DHX36: variants seen among roughly 807,000 people sequenced by gnomAD.
DHX36 encodes the protein DEAH-box helicase 36.
DHX36 carries 50 observed loss-of-function variants against 139.0 expected under a neutral mutation model. That is an observed-to-expected ratio of 0.36 (90% CI 0.29 to 0.46). The LOEUF is 0.46. Ranked by LOEUF, DHX36 falls within the 20% of genes least tolerant of loss-of-function variation. DHX36 has a pLI of 1.00. For synonymous variants in DHX36, 425 were observed against 401.9 expected (o/e 1.06, Z -0.69); for missense variants, 1,024 against 1,211.3 (o/e 0.85, Z 2.29).
chr3:154,280,375 C>T, intron 22 of DHX36: 1 of 508,326 alleles, frequency 2.0e-6, no homozygotes, highest in East Asian at 3.2e-5. Context: ...AATGGGTTAT[C>T]AAAGAGGTGA....
chr3:154,312,890 TATATATATATAAA>T (rs1712825836), intron 3 of DHX36, among the ~76,000 whole-genome samples: 1 of 77,536 alleles, frequency 1.3e-5, no homozygotes, highest in Non-Finnish European at 2.6e-5. Context: ...TATATATATA[TATATATATATAAA>T]ATAAATAAAG....
intron 12 of DHX36, 153 bp downstream of exon 12, chr3:154,299,685 G>T (rs1372185823): frequency 7.4e-6 from 5 of 674,764 alleles, no homozygotes; most frequent in Non-Finnish European, 1.3e-5. Context: ...GAAAAAGAAA[G>T]AAAATATTCT....
chr3:154,280,813 C>G lies in DHX36; in HGVS notation c.2426G>C (p.Gly809Ala), dbSNP rs1164939005. 1 of 1,613,506 alleles carries G rather than the reference C, an allele frequency of 6.2e-7. No individual in the cohort carries two copies. Among genetic ancestry groups the G allele is most frequent in the African/African-American group, 1.3e-5 (1 of 74,900 alleles). ...TTTAGGATTTCTACTGCTTACAAATCCAGCTCCAAGAAGATGCTCAGCAAA... is the reference window on the plus strand; with the variant it reads ...TTTAGGATTTCTACTGCTTACAAATGCAGCTCCAAGAAGATGCTCAGCAAA... ...GQFAEHLLGA[G>A]FVSSRNPKDP... The change falls in exon 21 of 25, where the codon GGA (glycine) becomes GCA (alanine). Residue 809 changes from glycine to alanine, a missense_variant. Physicochemically the swap from Gly to Ala is moderately conservative, Grantham distance 60 (BLOSUM62 0). This residue lies in a region of DHX36 where 470 missense variants were observed against 616.2 expected (regional missense o/e 0.76). Coordinates refer to ENST00000496811, the MANE Select transcript of DHX36 (RefSeq NM_020865.3).
chr3:154,322,329 G>A (rs1713223594), intron 1 of DHX36, among the ~76,000 whole-genome samples: 1 of 152,138 alleles, frequency 6.6e-6, no homozygotes, highest in African/African-American at 2.4e-5. Flanking sequence ...TTGTGAATTA[G>A]GTAATAAAAT....
intron 4 of DHX36, among the ~76,000 whole-genome samples, chr3:154,310,265 A>G (rs1411056696): frequency 3.3e-5 from 5 of 152,164 alleles, no homozygotes; most frequent in Non-Finnish European, 5.9e-5. Context: ...TTGTATTTTA[A>G]AATTACTTCC....
intron 9 of DHX36, 141 bp from the exon 10 acceptor site, chr3:154,301,268 A>G (rs1297608478): frequency 3.7e-6 from 3 of 802,232 alleles, no homozygotes; most frequent in Admixed American, 3.5e-5. Context: ...TGCTAGCTAA[A>G]ATATCAGTTT....
At chr3:154,300,557 A>C in intron 11 of DHX36, 37 bp downstream of exon 11, 1 of 1,519,612 alleles carries the variant, frequency 6.6e-7, no homozygotes, top group Non-Finnish European at 9.1e-7. Flanking sequence ...AATAAAATTA[A>C]AATTATGTTA....
chr3:154,324,286 C>A lies in DHX36; in HGVS notation c.131G>T (p.Gly44Val), dbSNP rs576957075. 2 of 1,613,016 alleles carry A rather than the reference C, an allele frequency of 1.2e-6. No individual in the cohort carries two copies. The highest frequency in any genetic ancestry group is 8.5e-7 in the Non-Finnish European group (1 of 1,179,522). Residue 44 changes from glycine (G) to valine (V), a missense_variant, in exon 1 of 25, where the codon GGG becomes GTG. Gly to Val is a moderately radical substitution (Grantham distance 109). Around this residue, in one of 4 missense-constraint regions of DHX36, gnomAD observed 293 missense variants for 274.4 expected, o/e 1.07. Transcript: ENST00000496811. Reference sequence around the variant, plus strand: ...CCGGCCCCTGCCGCCTCGACCACCCCCTCCGCCGCCGCCGCCTCCTCCGGA... The same window carrying A: ...CCGGCCCCTGCCGCCTCGACCACCCACTCCGCCGCCGCCGCCTCCTCCGGA... ...RGSGGGGGGG[G>V]GGRGGRGRHP...
chr3:154,319,432 A>T (rs1265250424), intron 1 of DHX36: 1 of 152,120 alleles, frequency 6.6e-6, no homozygotes, highest in African/African-American at 2.4e-5. Context: ...ATTCACACGC[A>T]GTTTTTCACA....
chr3:154,288,756 T>C (rs552600860), intron 17 of DHX36, 110 bp downstream of exon 17: 4 of 492,638 alleles, frequency 8.1e-6, no homozygotes, highest in South Asian at 1.6e-4. Context: ...AAATTTGGCA[T>C]TGGACATTAT....
chr3:154,274,533 T>C lies in DHX36; in HGVS notation c.*1638A>G, dbSNP rs1414919529. ...ACCTCAGTCTGAGTCCGTGTCTCCTTGTGATCATTAGTTGGCTGCAGCAGT... is the reference window on the plus strand; with the variant it reads ...ACCTCAGTCTGAGTCCGTGTCTCCTCGTGATCATTAGTTGGCTGCAGCAGT... On this transcript the variant is annotated 3_prime_UTR_variant, in exon 25 of 25. Coordinates refer to ENST00000496811, the MANE Select transcript of DHX36 (RefSeq NM_020865.3). The C allele has an allele frequency of 6.6e-6, 1 of 152,250 alleles. No individual in the cohort carries two copies. The highest frequency in any genetic ancestry group is 1.9e-4 in the East Asian group (1 of 5,192). 9.4% of individuals were successfully genotyped at this position (152,250 alleles called of 1,614,324 possible).
Position 154,276,609 on chromosome 3 carries a change from C to T in DHX36, c.2841+138G>A, listed in dbSNP as rs528082950. 3.0e-6 allele frequency: 3 copies of T among 1,007,604 alleles called. No homozygotes were observed. In the South Asian group the frequency reaches 4.7e-5, roughly 16 times the overall value. 62.4% of individuals were successfully genotyped at this position (1,007,604 alleles called of 1,614,324 possible). On this transcript the variant is annotated intron_variant, in intron 24 of 24. Transcript: ENST00000496811. ...ACCTCAAAACACAATTCAGAAAAACCAGGAATCATTTTTTCAAAATTATTT... is the reference window on the plus strand; with the variant it reads ...ACCTCAAAACACAATTCAGAAAAACTAGGAATCATTTTTTCAAAATTATTT...
chr3:154,286,639 C>G (rs750108726), intron 17 of DHX36, among the ~76,000 whole-genome samples: 1 of 151,646 alleles, frequency 6.6e-6, no homozygotes, highest in Non-Finnish European at 1.5e-5. Context: ...CCCAAATAAA[C>G]AGAGGAATAG....
At chr3:154,315,006 GA>G in intron 3 of DHX36, 39 bp downstream of exon 3, 1 of 1,431,548 alleles carries the variant, frequency 7.0e-7, no homozygotes, top group Non-Finnish European at 9.6e-7. Flanking sequence ...TAAAGTGTAA[GA>G]AAAAAATGAC....
At chr3:154,297,860 A>G (rs1331989690) in intron 12 of DHX36, among the ~76,000 whole-genome samples, 7 of 152,206 alleles carry the variant, frequency 4.6e-5, no homozygotes, top group African/African-American at 7.2e-5. Flanking sequence ...GACACCATAC[A>G]ACTAAGAGAG....
intron 1 of DHX36, among the ~76,000 whole-genome samples, chr3:154,321,796 T>C (rs1399615284): frequency 6.6e-6 from 1 of 151,842 alleles, no homozygotes; most frequent in African/African-American, 2.4e-5. Context: ...CTGTCTCTTC[T>C]AAAAATACAA....
At chr3:154,289,378 G>GT (rs982217290) in intron 16 of DHX36, among the ~76,000 whole-genome samples, 1 of 152,142 alleles carries the variant, frequency 6.6e-6, no homozygotes, top group Non-Finnish European at 1.5e-5. Context: ...AGTAGCTACT[G>GT]TTTACTAAAC....
rs1194782134 is a variant in DHX36 at position 154,277,698 on chromosome 3, GT to G, written c.2587del (p.Thr863ProfsTer28). 6.2e-7 allele frequency: 1 copy of G among 1,607,806 alleles called. No homozygotes were observed. Among genetic ancestry groups the G allele is most frequent in the Non-Finnish European group, 8.5e-7 (1 of 1,176,068 alleles). On this transcript the variant is annotated frameshift_variant, in exon 23 of 25. Coordinates refer to ENST00000496811, the MANE Select transcript of DHX36 (RefSeq NM_020865.3). LOFTEE classifies it high-confidence loss of function. ...AGGATGAACAGCAACCAGGCCATCG[GT>G]TTTTGTGTAAACTTTTACCCTTTAA... Reference protein sequence around the residue: ...KRKMVKVYTKTDGLVAVHPKS... With the variant: ...KRKMVKVYTKXDGLVAVHPKS...
chr3:154,316,576 A>G (rs1712993287), intron 1 of DHX36, among the ~76,000 whole-genome samples: 1 of 152,144 alleles, frequency 6.6e-6, no homozygotes, highest in Admixed American at 6.5e-5. Flanking sequence ...GTTGTAATGA[A>G]CATTTGAAAG....
Sources: allele counts gnomAD v4.1 joint callset (sites outside exome capture counted in the v4.1 genomes callset), GRCh38; gene constraint gnomAD v4.1.1; regional missense constraint gnomAD v4.1.1; transcripts MANE v1.5; gene names NCBI Gene and HGNC (gene_info 2026-07-23, HGNC 2026-07-21).